DOCK2: variants seen among roughly 807,000 people sequenced by gnomAD.
DOCK2 encodes the protein dedicator of cytokinesis protein 2.
A neutral mutation model predicts 248.9 loss-of-function variants in DOCK2; 87 were observed. The ratio of observed to expected loss-of-function variants is 0.35; its 90% CI spans 0.29 to 0.42. The LOEUF (loss-of-function observed/expected upper bound fraction) is 0.42, where lower values mean the gene tolerates loss of function less well. Among genes scored for constraint, DOCK2 ranks in the 10% least tolerant of loss-of-function variants. The pLI is 1.00. For missense variants in DOCK2, 1,747 were observed against 2,300.2 expected (o/e 0.76, Z 4.92); for synonymous variants, 805 against 821.6 (o/e 0.98, Z 0.35).
intron 27 of DOCK2, among the ~76,000 whole-genome samples, chr5:169,855,434 C>G (rs1431300751): frequency 6.6e-6 from 1 of 152,096 alleles, no homozygotes; most frequent in Admixed American, 6.5e-5. Context: ...GGGAAGTAGA[C>G]CAGTAGGAAG....
In DOCK2 at chr5:169,923,002, C is replaced by G. The variant is rs555070884; in HGVS notation, c.2800-60066C>G. ...GAATTTCTCTTATCGGTCCCACAGA[C>G]AGATATAATTTTACCGTATTTCACA... On this transcript the variant is annotated intron_variant, in intron 27 of 51. Transcript: ENST00000520908. Among the ~76,000 whole-genome samples, 113 of 152,334 alleles carry G rather than the reference C, an allele frequency of 7.4e-4. 1 individual carries two copies. Among genetic ancestry groups the G allele is most frequent in the Admixed American group, 5.2e-3 (80 of 15,310 alleles).
At chr5:169,930,086 G>C (rs1775672991) in intron 27 of DOCK2, among the ~76,000 whole-genome samples, 1 of 152,160 alleles carries the variant, frequency 6.6e-6, no homozygotes, top group Non-Finnish European at 1.5e-5. Context: ...TGCCTCCTGG[G>C]TTCCGGTGAT....
At chr5:169,998,379 G>C (rs1754721288) in intron 30 of DOCK2, among the ~76,000 whole-genome samples, 1 of 152,222 alleles carries the variant, frequency 6.6e-6, no homozygotes, top group Non-Finnish European at 1.5e-5. Flanking sequence ...ATGAGTATTT[G>C]CTGAGAGGAT....
At chr5:169,787,900 A>G (rs916613643) in intron 25 of DOCK2, among the ~76,000 whole-genome samples, 2 of 150,154 alleles carry the variant, frequency 1.3e-5, no homozygotes, top group Admixed American at 6.6e-5. Flanking sequence ...TTAAGAAGCC[A>G]CTCTCTGCTA....
chr5:170,013,193 T>G (rs1755372553), intron 32 of DOCK2, among the ~76,000 whole-genome samples: 1 of 152,020 alleles, frequency 6.6e-6, no homozygotes, highest in Non-Finnish European at 1.5e-5. Flanking sequence ...CCAGCAAGCA[T>G]GGCTTCCTAG....
chr5:169,818,544 G>T (rs1478692616), intron 26 of DOCK2, among the ~76,000 whole-genome samples: 1 of 152,174 alleles, frequency 6.6e-6, no homozygotes, highest in African/African-American at 2.4e-5. Flanking sequence ...AAGTTGCTGA[G>T]TATGTGGTTA....
intron 38 of DOCK2, among the ~76,000 whole-genome samples, chr5:170,043,932 T>C (rs1158816860): frequency 6.6e-6 from 1 of 152,262 alleles, no homozygotes; most frequent in Non-Finnish European, 1.5e-5. Flanking sequence ...ATAATATTTT[T>C]TGCATTGCCC....
intron 51 of DOCK2, 68 bp from the exon 52 acceptor site, chr5:170,082,728 G>A: frequency 6.3e-7 from 1 of 1,584,522 alleles, no homozygotes; most frequent in Non-Finnish European, 8.6e-7. Flanking sequence ...TTAGGACTGG[G>A]AAGCTCCATT....
chr5:169,857,050 G>A (rs1047941060), intron 27 of DOCK2, among the ~76,000 whole-genome samples: 3 of 152,126 alleles, frequency 2.0e-5, no homozygotes, highest in Non-Finnish European at 4.4e-5. Context: ...CTTTTGGTGC[G>A]ATTTTACTGT....
intron 36 of DOCK2, among the ~76,000 whole-genome samples, chr5:170,040,435 C>G (rs1327904818): frequency 6.6e-6 from 1 of 152,164 alleles, no homozygotes; most frequent in Non-Finnish European, 1.5e-5. Context: ...TTCCTACTGA[C>G]AGCTCAAGGT....
chr5:169,840,961 GTTTT>G, intron 27 of DOCK2, 109 bp downstream of exon 27: 1 of 1,248,752 alleles, frequency 8.0e-7, no homozygotes, highest in Non-Finnish European at 1.1e-6. Flanking sequence ...TCATTGCTTT[GTTTT>G]GGAGTAGGGT....
chr5:169,918,499 G>A (rs2113643087), intron 27 of DOCK2, among the ~76,000 whole-genome samples: 1 of 152,306 alleles, frequency 6.6e-6, no homozygotes, highest in East Asian at 1.9e-4. Flanking sequence ...TCATCTCACA[G>A]TTAAAAGACT....
chr5:170,050,480 G>T, intron 41 of DOCK2, 83 bp downstream of exon 41: 1 of 1,483,122 alleles, frequency 6.7e-7, no homozygotes, highest in Non-Finnish European at 9.0e-7. Context: ...CCACCTTAGA[G>T]CTCAGGGCTG....
intron 27 of DOCK2, among the ~76,000 whole-genome samples, chr5:169,941,276 C>T (rs961145017): frequency 3.3e-5 from 5 of 152,146 alleles, no homozygotes; most frequent in Non-Finnish European, 5.9e-5. Flanking sequence ...TGGATAATCT[C>T]GGCTCACTAC....
intron 30 of DOCK2, among the ~76,000 whole-genome samples, chr5:170,001,662 G>A (rs1754837015): frequency 6.6e-6 from 1 of 152,148 alleles, no homozygotes; most frequent in Non-Finnish European, 1.5e-5. Flanking sequence ...GTTCGTTAAT[G>A]AACTCATTCA....
intron 27 of DOCK2, among the ~76,000 whole-genome samples, chr5:169,936,578 CTTTT>C (rs4041977): frequency 8.1e-6 from 1 of 122,828 alleles, no homozygotes; most frequent in African/African-American, 3.2e-5. Context: ...TCTCAGACTC[CTTTT>C]TTTTTTTTTT....
At chr5:169,639,566 T>C (rs1342817348) in intron 1 of DOCK2, among the ~76,000 whole-genome samples, 1 of 152,200 alleles carries the variant, frequency 6.6e-6, no homozygotes, top group African/African-American at 2.4e-5. Flanking sequence ...CTGAGCCACA[T>C]AGGCTGCTTA....
chr5:170,070,020 C>A (rs1757626810), intron 46 of DOCK2, among the ~76,000 whole-genome samples: 1 of 152,172 alleles, frequency 6.6e-6, no homozygotes, highest in Non-Finnish European at 1.5e-5. Context: ...CATCTCCCTG[C>A]AGAAGCAACA....
intron 27 of DOCK2, among the ~76,000 whole-genome samples, chr5:169,935,351 G>T (rs879583155): frequency 6.6e-6 from 1 of 151,640 alleles, no homozygotes; most frequent in Admixed American, 6.6e-5. Flanking sequence ...TCTCACTTGC[G>T]CCCTTCTGCT....
Sources: allele counts gnomAD v4.1 joint callset (sites outside exome capture counted in the v4.1 genomes callset), GRCh38; gene constraint gnomAD v4.1.1; transcripts MANE v1.5; gene names NCBI Gene and HGNC (gene_info 2026-07-23, HGNC 2026-07-21).